The following EXT2 variants were observed in gnomAD, a reference collection of about 807,000 sequenced individuals.
EXT2 encodes exostosin-2.
EXT2 carries 53 observed loss-of-function variants against 81.6 expected under a neutral mutation model. The observed-to-expected ratio is 0.65, with a 90% confidence interval of 0.52 to 0.82. EXT2 has a LOEUF of 0.82. Ranked by LOEUF, EXT2 falls within the 40% of genes least tolerant of loss-of-function variation. The pLI, the probability that EXT2 is intolerant of heterozygous loss-of-function variation, is 0.00. For synonymous variants in EXT2, 320 were observed against 340.0 expected, an observed-to-expected ratio of 0.94 and a Z score of 0.65; for missense variants, 774 against 910.2, an observed-to-expected ratio of 0.85 and a Z score of 1.93.
At chr11:44,108,458 A>T (rs906810476) in intron 2 of EXT2, among the ~76,000 whole-genome samples, 3 of 152,218 alleles carry the variant, frequency 2.0e-5, no homozygotes, top group Non-Finnish European at 4.4e-5. Flanking sequence ...GTAGTCTGCC[A>T]TCTCCGGCAC....
intron 4 of EXT2, 113 bp from the exon 5 acceptor site, chr11:44,124,676 G>A: frequency 1.3e-6 from 1 of 787,746 alleles, no homozygotes; most frequent in Non-Finnish European, 2.2e-6. Flanking sequence ...AATCAGTGGA[G>A]GTGAAGACTG....
At position 44,251,487 on chromosome 11, in the gene EXT2, A is replaced by G. The variant is rs1956137488; in HGVS notation, c.*7200A>G. 6.6e-6 allele frequency among the ~76,000 whole-genome samples: 1 copy of G among 152,174 alleles called. No individual in the cohort carries two copies. Among genetic ancestry groups the G allele is most frequent in the African/African-American group, 2.4e-5 (1 of 41,452 alleles). ...TAGGCCTTAACAGCACAATAAAAGT[A>G]TCCCATGAGACCATTATGAGCAGGA... On this transcript the variant is annotated 3_prime_UTR_variant, in exon 14 of 14. Transcript: ENST00000533608.
At chr11:44,236,785 C>G (rs1021562053) in intron 13 of EXT2, among the ~76,000 whole-genome samples, 1 of 152,142 alleles carries the variant, frequency 6.6e-6, no homozygotes, top group Non-Finnish European at 1.5e-5. Flanking sequence ...GACAAATTAC[C>G]TTTGCTGACA....
At position 44,247,432 on chromosome 11, in the gene EXT2, A is replaced by G. The variant is rs1956105216; in HGVS notation, c.*3145A>G. Among the ~76,000 whole-genome samples, 1 of 37,412 alleles carries G rather than the reference A, an allele frequency of 2.7e-5. No homozygotes were observed. Among genetic ancestry groups the G allele is most frequent in the South Asian group, 7.5e-4 (1 of 1,342 alleles). The allele number at this position is 37,412 out of a possible 152,430, so 24.5% of individuals were successfully genotyped here. A position where few individuals can be genotyped will look rare whatever the true frequency, so the allele number is the denominator to read the frequency against. ...GCCTGGCTAATTTGTTTGTAATTTT[A>G]GTAGAGGCAGGGTTTCACCACGTTA... On this transcript the variant is annotated 3_prime_UTR_variant, in exon 14 of 14. Transcript: ENST00000533608.
rs897643414 is a variant in EXT2, at chr11:44,248,095, A to G, written c.*3808A>G. ...GTTGGAGACTTCCCATCAGCCACCC[A>G]TCATGAGCCTGGTGTGTTTCCTTTG... On this transcript the variant is annotated 3_prime_UTR_variant, in exon 14 of 14. Transcript: ENST00000533608. Among the ~76,000 whole-genome samples, 7 of 152,206 alleles carry G rather than the reference A, an allele frequency of 4.6e-5. No individual in the cohort carries two copies. Among genetic ancestry groups the G allele is most frequent in the African/African-American group, 1.2e-4 (5 of 41,454 alleles).
rs115801922 is a variant in EXT2 at position 44,114,549 on chromosome 11, C to A, written c.743+248C>A. Among the ~76,000 whole-genome samples the A allele has an allele frequency of 3.2e-3, 480 of 152,278 alleles. 1 individual carries two copies. Among genetic ancestry groups the A allele is most frequent in the African/African-American group, 0.011 (447 of 41,552 alleles). On this transcript the variant is annotated intron_variant, in intron 4 of 13. Coordinates refer to ENST00000533608, the MANE Select transcript of EXT2 (RefSeq NM_207122.2). ...GGAATCCATGTGGTATCCTTAACTC[C>A]GTTCTCTCCTTTGTTTCCTATATCA...
intron 6 of EXT2, among the ~76,000 whole-genome samples, chr11:44,129,749 G>A (rs1954463073): frequency 6.6e-6 from 1 of 152,252 alleles, no homozygotes; most frequent in Admixed American, 6.5e-5. Context: ...AGCATGGTGT[G>A]TTCAAGTGAC....
chr11:44,163,705 A>G (rs1954956604), intron 7 of EXT2, among the ~76,000 whole-genome samples: 1 of 152,178 alleles, frequency 6.6e-6, no homozygotes, highest in Non-Finnish European at 1.5e-5. Context: ...TAGTGTGTTA[A>G]GAGTAAGTTT....
At chr11:44,113,625 G>T (rs951688226) in intron 3 of EXT2, among the ~76,000 whole-genome samples, 39 of 152,200 alleles carry the variant, frequency 2.6e-4, no homozygotes, top group African/African-American at 9.4e-4. Context: ...AGAGCCGGTG[G>T]AGGCTACATG....
chr11:44,216,386 G>C (rs904960673), intron 10 of EXT2, among the ~76,000 whole-genome samples: 1 of 152,196 alleles, frequency 6.6e-6, no homozygotes, highest in African/African-American at 2.4e-5. Context: ...AAAAATGTCA[G>C]ATTCCTTCAC....
chr11:44,216,418 A>C (rs1955720256), intron 10 of EXT2, among the ~76,000 whole-genome samples: 1 of 152,198 alleles, frequency 6.6e-6, no homozygotes, highest in African/African-American at 2.4e-5. Context: ...ACACAGAGAG[A>C]TTGCATGTGT....
At position 44,249,245 on chromosome 11, in the gene EXT2, G is replaced by C. The variant is rs1956121084; in HGVS notation, c.*4958G>C. Among the ~76,000 whole-genome samples, 1 of 152,156 alleles carries C rather than the reference G, an allele frequency of 6.6e-6. No homozygotes were observed. The highest frequency in any genetic ancestry group is 2.4e-5 in the African/African-American group (1 of 41,436). On this transcript the variant is annotated 3_prime_UTR_variant, in exon 14 of 14. Coordinates refer to ENST00000533608, the MANE Select transcript of EXT2 (RefSeq NM_207122.2). ...ACTCCTGGGATCAAGTGATCCTCCT[G>C]CCTCAGCGTCCCAAAGTGTTGGGAT...
At chr11:44,240,164 G>T (rs921853960) in intron 13 of EXT2, among the ~76,000 whole-genome samples, 3 of 152,160 alleles carry the variant, frequency 2.0e-5, no homozygotes, top group Non-Finnish European at 4.4e-5. Flanking sequence ...GGATATGGAT[G>T]GCTAACTGTA....
chr11:44,189,374 A>G (rs1002852187), intron 8 of EXT2, among the ~76,000 whole-genome samples: 2 of 152,204 alleles, frequency 1.3e-5, no homozygotes, highest in African/African-American at 4.8e-5. Flanking sequence ...CAGTTATTGT[A>G]TTAGTCTGTT....
At chr11:44,212,300 T>TAA (rs1955658872) in intron 10 of EXT2, among the ~76,000 whole-genome samples, 10 of 6,616 alleles carry the variant, frequency 1.5e-3, no homozygotes, top group Non-Finnish European at 3.3e-3. Flanking sequence ...AATAAAAATA[T>TAA]AAATAAATAA....
Position 44,198,035 on chromosome 11 carries a change from C to T in EXT2, c.1495+17C>T. 6.2e-7 allele frequency: 1 copy of T among 1,613,434 alleles called. No homozygotes were observed. Among genetic ancestry groups the T allele is most frequent in the Non-Finnish European group, 8.5e-7 (1 of 1,179,412 alleles). Reference sequence around the variant, plus strand: ...CTCCAGAAGGTAAGAAGCCTTAGTGCCTCTCTCAGCTGGATCAATTTTGGA... The same window carrying T: ...CTCCAGAAGGTAAGAAGCCTTAGTGTCTCTCTCAGCTGGATCAATTTTGGA... On this transcript the variant is annotated intron_variant, in intron 9 of 13. Transcript: ENST00000533608.
chr11:44,175,828 G>A (rs953558336), intron 8 of EXT2, among the ~76,000 whole-genome samples: 1 of 152,186 alleles, frequency 6.6e-6, no homozygotes, highest in African/African-American at 2.4e-5. Context: ...AGGAAGATTG[G>A]CAGACTAGGA....
At chr11:44,146,242 T>G (rs1276088193) in intron 7 of EXT2, among the ~76,000 whole-genome samples, 1 of 152,158 alleles carries the variant, frequency 6.6e-6, no homozygotes, top group Non-Finnish European at 1.5e-5. Context: ...CTTAATCACC[T>G]CTTTGAAAAG....
intron 10 of EXT2, among the ~76,000 whole-genome samples, chr11:44,224,426 ATAT>A (rs1270893298): frequency 1.3e-5 from 2 of 152,048 alleles, no homozygotes; most frequent in African/African-American, 2.4e-5. Context: ...ATATTGAATA[ATAT>A]TGAGGACATC....
Sources: allele counts gnomAD v4.1 joint callset (sites outside exome capture counted in the v4.1 genomes callset), GRCh38; gene constraint gnomAD v4.1.1; transcripts MANE v1.5; gene names NCBI Gene and HGNC (gene_info 2026-07-23, HGNC 2026-07-21).